The following PSD3 variants were observed in gnomAD, a reference collection of about 807,000 sequenced individuals.
PSD3 encodes PH and SEC7 domain-containing protein 3.
Under a neutral mutation model 105.5 loss-of-function variants are expected in PSD3, and 49 were observed. The observed-to-expected ratio is 0.46, with a 90% CI of 0.37 to 0.59. PSD3 has a LOEUF of 0.59. Among genes scored for constraint, PSD3 ranks in the 20% least tolerant of loss-of-function variants. PSD3 has a pLI of 0.00. For missense variants in PSD3, 1,561 were observed against 1,263.8 expected (o/e 1.24, Z -3.57); for synonymous variants, 557 against 457.8 (o/e 1.22, Z -2.77).
chr8:18,547,066 T>A (rs1040273296), intron 15 of PSD3, among the ~76,000 whole-genome samples: 1 of 152,090 alleles, frequency 6.6e-6, no homozygotes, highest in Non-Finnish European at 1.5e-5. Flanking sequence ...AGCCTGGGAT[T>A]AATTTGTCTC....
chr8:18,855,530 G>GA (rs1372306914), intron 4 of PSD3, among the ~76,000 whole-genome samples: 3 of 152,070 alleles, frequency 2.0e-5, no homozygotes, highest in Admixed American at 2.0e-4. Flanking sequence ...AAATACTGAG[G>GA]AAAAAAGGGT....
chr8:18,529,262 C>G lies in PSD3; in HGVS notation c.*6481G>C, dbSNP rs1441971009. 6.6e-6 allele frequency: 1 copy of G among 152,194 alleles called. No homozygotes were observed. Among genetic ancestry groups the G allele is most frequent in the Non-Finnish European group, 1.5e-5 (1 of 68,030 alleles). The allele number at this position is 152,194 out of a possible 1,614,324, so 9.4% of individuals were successfully genotyped here. ...TATGTGTTAAAAATATAATGCATCT[C>G]AAAGTCAGACACTAGAGCTCAGATT... On this transcript the variant is annotated 3_prime_UTR_variant, in exon 16 of 16. Transcript: ENST00000327040.
intron 1 of PSD3, among the ~76,000 whole-genome samples, chr8:19,007,100 CG>C (rs1187647616): frequency 6.6e-6 from 1 of 151,904 alleles, no homozygotes; most frequent in African/African-American, 2.4e-5. Flanking sequence ...ACTAAAAATA[CG>C]AAACAGCCAG....
At chr8:19,018,501 GA>G (rs1479906025), upstream of PSD3, among the ~76,000 whole-genome samples, 1 of 152,082 alleles carries the variant, frequency 6.6e-6, no homozygotes, top group Non-Finnish European at 1.5e-5. Flanking sequence ...TTCAATAAAA[GA>G]AAAAACATAT....
intron 1 of PSD3, among the ~76,000 whole-genome samples, chr8:18,953,395 A>G (rs1823368025): frequency 6.6e-6 from 1 of 152,238 alleles, no homozygotes; most frequent in Non-Finnish European, 1.5e-5. Flanking sequence ...ATATAAATAT[A>G]TCAATGGCAG....
intron 1 of PSD3, among the ~76,000 whole-genome samples, chr8:19,027,214 G>GA (rs1272253484): frequency 2.6e-5 from 4 of 151,194 alleles, no homozygotes; most frequent in South Asian, 2.1e-4. Flanking sequence ...GTCTCCAAGG[G>GA]AAAAAAACAA....
chr8:18,678,679 C>T (rs534080663), intron 9 of PSD3, among the ~76,000 whole-genome samples: 26 of 100,008 alleles, frequency 2.6e-4, no homozygotes, highest in African/African-American at 8.9e-4. Context: ...GACGTGGTGG[C>T]GCATGCCTGT....
At chr8:19,009,751 C>T (rs146675457) in intron 1 of PSD3, among the ~76,000 whole-genome samples, 2,050 of 152,110 alleles carry the variant, frequency 0.013, 21 homozygotes, top group Non-Finnish European at 0.021. Context: ...TTAAGCTGGG[C>T]GCAGTGGCGT....
chr8:18,754,989 C>T (rs1805898248), intron 9 of PSD3, among the ~76,000 whole-genome samples: 1 of 152,130 alleles, frequency 6.6e-6, no homozygotes, highest in African/African-American at 2.4e-5. Context: ...TCAATCATCC[C>T]AAGGAGCTCC....
At chr8:18,545,101 G>A (rs1800379730) in intron 15 of PSD3, among the ~76,000 whole-genome samples, 1 of 152,154 alleles carries the variant, frequency 6.6e-6, no homozygotes, top group African/African-American at 2.4e-5. Flanking sequence ...AAAATACTAT[G>A]ATTTCTCTCA....
chr8:18,560,668 C>A (rs1047326298), intron 14 of PSD3, among the ~76,000 whole-genome samples: 4 of 151,954 alleles, frequency 2.6e-5, no homozygotes, highest in African/African-American at 9.7e-5. Flanking sequence ...ATCTAAAAGG[C>A]AAGTTTTCGA....
intron 9 of PSD3, among the ~76,000 whole-genome samples, chr8:18,678,787 G>A (rs943672220): frequency 1.3e-5 from 2 of 150,490 alleles, no homozygotes; most frequent in East Asian, 4.0e-4. Context: ...ACTCCAGCCT[G>A]GGCAACAAAA....
At chr8:18,923,521 A>G (rs917227464) in intron 2 of PSD3, among the ~76,000 whole-genome samples, 1 of 152,242 alleles carries the variant, frequency 6.6e-6, no homozygotes, top group Non-Finnish European at 1.5e-5. Flanking sequence ...TTATAATGCC[A>G]TATTTTCACT....
At chr8:19,026,083 T>C (rs573689159) in intron 1 of PSD3, among the ~76,000 whole-genome samples, 18 of 152,224 alleles carry the variant, frequency 1.2e-4, no homozygotes, top group African/African-American at 3.4e-4. Context: ...CATCAGATAT[T>C]GTGAGGCTTA....
chr8:18,858,567 CAAAGTT>C (rs1307806825), intron 4 of PSD3, among the ~76,000 whole-genome samples: 2 of 151,238 alleles, frequency 1.3e-5, no homozygotes, highest in Admixed American at 6.6e-5. Context: ...TTTTTTTTTT[CAAAGTT>C]AAAGTCAATC....
chr8:18,610,409 G>T (rs6988287), intron 11 of PSD3, among the ~76,000 whole-genome samples: 30,938 of 152,108 alleles, frequency 0.2, 3,367 homozygotes, highest in Middle Eastern at 0.37. Flanking sequence ...GTGCTGAGCT[G>T]TAACCAACCC....
At position 19,064,268 on chromosome 8, in the gene PSD3, T is replaced by C. The variant is rs560337546; in HGVS notation, c.324+19938A>G. On this transcript the variant is annotated intron_variant, in intron 1 of 1. Coordinates refer to the PSD3 transcript ENST00000521475. Reference sequence around the variant, plus strand: ...AATAATTAAAGACACCTTTAGTGTGTACCTAAATAGAGTAATATTAGACAT... The same window carrying C: ...AATAATTAAAGACACCTTTAGTGTGCACCTAAATAGAGTAATATTAGACAT... 3.3e-4 allele frequency among the ~76,000 whole-genome samples: 51 copies of C among 152,338 alleles called. No homozygotes were observed. In the South Asian group the frequency reaches 9.9e-3, roughly 30 times the overall value.
At position 18,533,998 on chromosome 8, in the gene PSD3, T is replaced by G. The variant is rs1361727234; in HGVS notation, c.*1745A>C. 3.3e-5 allele frequency: 5 copies of G among 152,152 alleles called. No homozygotes were observed. Among genetic ancestry groups the G allele is most frequent in the Admixed American group, 6.5e-5 (1 of 15,278 alleles). The allele number at this position is 152,152 out of a possible 1,614,324, so 9.4% of individuals were successfully genotyped here. ...CAACCCTAGAGAGGGGTAAGCCTTCTCTGGGCAATAGTCATGGACATTTAC... is the reference window on the plus strand; with the variant it reads ...CAACCCTAGAGAGGGGTAAGCCTTCGCTGGGCAATAGTCATGGACATTTAC... On this transcript the variant is annotated 3_prime_UTR_variant, in exon 16 of 16. Transcript: ENST00000327040.
chr8:18,839,546 G>T (rs371856725), intron 4 of PSD3, among the ~76,000 whole-genome samples: 17 of 152,076 alleles, frequency 1.1e-4, no homozygotes, highest in African/African-American at 3.9e-4. Context: ...TGATGGTTCC[G>T]GGCAGTCACA....
Sources: allele counts gnomAD v4.1 joint callset (sites outside exome capture counted in the v4.1 genomes callset), GRCh38; gene constraint gnomAD v4.1.1; transcripts MANE v1.5; gene names NCBI Gene and HGNC (gene_info 2026-07-23, HGNC 2026-07-21).